MAGI2: variants seen among roughly 807,000 people sequenced by gnomAD.
MAGI2 encodes membrane-associated guanylate kinase, WW and PDZ domain-containing protein 2.
A neutral mutation model predicts 133.3 loss-of-function variants in MAGI2; 35 were observed. The observed-to-expected ratio is 0.26, with a 90% CI of 0.20 to 0.35. The LOEUF (loss-of-function observed/expected upper bound fraction) is 0.35. MAGI2 is among the 10% of genes least tolerant of loss of function. The pLI is 1.00. For synonymous variants in MAGI2, 729 were observed against 710.6 expected (o/e 1.03, Z -0.41); for missense variants, 1,636 against 1,863.4 (o/e 0.88, Z 2.25).
chr7:78,235,330 G>C (rs976467226), intron 10 of MAGI2, among the ~76,000 whole-genome samples: 2 of 152,140 alleles, frequency 1.3e-5, no homozygotes, highest in Non-Finnish European at 2.9e-5. Flanking sequence ...TTGATTAGAA[G>C]GGGGCAGGAA....
chr7:78,580,166 GA>G (rs1401715678), intron 3 of MAGI2, among the ~76,000 whole-genome samples: 9 of 152,084 alleles, frequency 5.9e-5, no homozygotes, highest in Admixed American at 2.0e-4. Flanking sequence ...AAAAATAAGG[GA>G]AATTATTTTT....
At chr7:78,158,977 C>T (rs1421548664) in intron 16 of MAGI2, among the ~76,000 whole-genome samples, 1 of 152,052 alleles carries the variant, frequency 6.6e-6, no homozygotes, top group African/African-American at 2.4e-5. Flanking sequence ...TGCCATCCCA[C>T]CCAGGAACAG....
chr7:79,140,808 C>T, intron 1 of MAGI2, among the ~76,000 whole-genome samples: 1 of 152,136 alleles, frequency 6.6e-6, no homozygotes, highest in Middle Eastern at 3.4e-3. Context: ...AGAAATGACA[C>T]AGTATGTAAT....
intron 20 of MAGI2, among the ~76,000 whole-genome samples, chr7:78,111,145 G>A (rs1226270687): frequency 6.6e-6 from 1 of 151,944 alleles, no homozygotes; most frequent in Non-Finnish European, 1.5e-5. Flanking sequence ...AAATGAAGAG[G>A]GAAGAAATTG....
chr7:78,630,661 C>G (rs1158264725), intron 2 of MAGI2, among the ~76,000 whole-genome samples: 4 of 151,924 alleles, frequency 2.6e-5, no homozygotes, highest in African/African-American at 9.7e-5. Context: ...GTGATTCCCC[C>G]ACCTCGGCCT....
At chr7:78,902,997 A>G (rs1357257012) in intron 2 of MAGI2, among the ~76,000 whole-genome samples, 1 of 152,040 alleles carries the variant, frequency 6.6e-6, no homozygotes, top group Non-Finnish European at 1.5e-5. Context: ...GGGTCATTCT[A>G]TTACTAGCTG....
chr7:78,046,326 C>T (rs535690064), intron 21 of MAGI2, among the ~76,000 whole-genome samples: 1 of 150,806 alleles, frequency 6.6e-6, no homozygotes, highest in Admixed American at 6.7e-5. Context: ...CGCTTGAGCC[C>T]GGGAGGTGGA....
chr7:78,638,530 G>A (rs1209234741), intron 2 of MAGI2, among the ~76,000 whole-genome samples: 2 of 152,194 alleles, frequency 1.3e-5, no homozygotes, highest in African/African-American at 2.4e-5. Flanking sequence ...CTACTTGGAT[G>A]CAGAGACATA....
chr7:78,653,099 C>T (rs1336574755), intron 2 of MAGI2, among the ~76,000 whole-genome samples: 1 of 152,148 alleles, frequency 6.6e-6, no homozygotes, highest in Non-Finnish European at 1.5e-5. Flanking sequence ...CATCTCATGC[C>T]CGTTAGAATG....
intron 2 of MAGI2, among the ~76,000 whole-genome samples, chr7:78,921,836 T>A (rs1799253336): frequency 6.6e-6 from 1 of 152,128 alleles, no homozygotes; most frequent in Admixed American, 6.6e-5. Context: ...TTTCGCCATG[T>A]TGGCCAGGCT....
chr7:78,262,484 C>T (rs1793608268), intron 9 of MAGI2, among the ~76,000 whole-genome samples: 1 of 152,096 alleles, frequency 6.6e-6, no homozygotes, highest in Non-Finnish European at 1.5e-5. Flanking sequence ...GTCCTTTTCA[C>T]CTAACATCCT....
chr7:79,410,512 G>A (rs910448567), intron 1 of MAGI2: 3 of 152,080 alleles, frequency 2.0e-5, no homozygotes, highest in Non-Finnish European at 2.9e-5. Flanking sequence ...GAATGACATG[G>A]GTGGAAGTAC....
chr7:78,086,635 A>G (rs1175311373), intron 20 of MAGI2, among the ~76,000 whole-genome samples: 1 of 73,140 alleles, frequency 1.4e-5, no homozygotes, highest in Admixed American at 1.3e-4. Context: ...TCCCATTATT[A>G]TTATTATTTT....
At chr7:79,294,177 CAA>C (rs61385536) in intron 1 of MAGI2, among the ~76,000 whole-genome samples, 213 of 65,378 alleles carry the variant, frequency 3.3e-3, no homozygotes, top group African/African-American at 9.5e-3. Context: ...GACTCCGTCT[CAA>C]AAAAAAAAAA....
chr7:78,719,472 G>C (rs920528377), intron 2 of MAGI2, among the ~76,000 whole-genome samples: 8 of 152,190 alleles, frequency 5.3e-5, no homozygotes, highest in African/African-American at 1.9e-4. Context: ...AAGTGACATT[G>C]TCATCAGTAT....
intron 2 of MAGI2, among the ~76,000 whole-genome samples, chr7:78,792,708 T>C (rs568839801): frequency 2.2e-4 from 34 of 152,300 alleles, no homozygotes; most frequent in Admixed American, 1.7e-3. Flanking sequence ...TACTGTGGAT[T>C]GCACAAGTGT....
intron 1 of MAGI2, among the ~76,000 whole-genome samples, chr7:79,126,368 G>A (rs2129544999): frequency 6.6e-6 from 1 of 152,296 alleles, no homozygotes; most frequent in South Asian, 2.1e-4. Flanking sequence ...CCTCAAATGA[G>A]TGTGCATATA....
chr7:79,403,374 T>C (rs904417621), intron 1 of MAGI2, among the ~76,000 whole-genome samples: 2 of 152,148 alleles, frequency 1.3e-5, no homozygotes, highest in Non-Finnish European at 2.9e-5. Context: ...TACATGACAA[T>C]TTTCATATAT....
chr7:78,573,037 A>G (rs192190632), intron 3 of MAGI2, among the ~76,000 whole-genome samples: 4,189 of 18,716 alleles, frequency 0.22, 189 homozygotes, highest in East Asian at 0.47. Flanking sequence ...ATATGTATGT[A>G]TATATATATA....
Sources: gnomAD v4.1 joint callset for allele counts (sites outside exome capture counted in the v4.1 genomes callset) on GRCh38, gnomAD v4.1.1 for gene constraint, MANE v1.5 for transcripts, NCBI Gene and HGNC (gene_info 2026-07-23, HGNC 2026-07-21) for gene names.